The following SEPTIN11 variants were observed in gnomAD, a reference collection of about 807,000 sequenced individuals.
The protein encoded by SEPTIN11 is septin 11, also known as septin-11.
Under a neutral mutation model 51.4 loss-of-function variants are expected in SEPTIN11, and 25 were observed. The observed-to-expected ratio is 0.49, with a 90% CI of 0.35 to 0.68. The LOEUF (loss-of-function observed/expected upper bound fraction) is 0.68, where lower values mean the gene tolerates loss of function less well. SEPTIN11 is among the 30% of genes least tolerant of loss of function. SEPTIN11 has a pLI of 0.00. For synonymous variants in SEPTIN11, 174 were observed against 184.1 expected, an observed-to-expected ratio of 0.95 and a Z score of 0.44; for missense variants, 381 against 520.8, an observed-to-expected ratio of 0.73 and a Z score of 2.61.
At position 77,014,868 on chromosome 4, in the gene SEPTIN11, C is replaced by G; in HGVS notation, c.538C>G (p.Pro180Ala). 6.2e-7 allele frequency: 1 copy of G among 1,613,678 alleles called. No individual in the cohort carries two copies. The highest frequency in any genetic ancestry group is 8.5e-7 in the Non-Finnish European group (1 of 1,179,852). Residue 180 changes from proline (P) to alanine (A), a missense_variant, in exon 5 of 10, where the codon CCA becomes GCA. Coordinates refer to ENST00000264893, the MANE Select transcript of SEPTIN11 (RefSeq NM_018243.4). The stretch of plus-strand genomic sequence containing the variant: ...GTCTGTTTTACAGGTGAACATCATT[C>G]CAATAATTGCAAAAGCTGACACCAT... ...KKLDSKVNIIPIIAKADTIAK... is the reference protein window; with the variant it reads ...KKLDSKVNIIAIIAKADTIAK...
chr4:77,017,035 T>C (rs1027524515), intron 5 of SEPTIN11, among the ~76,000 whole-genome samples: 6 of 152,224 alleles, frequency 3.9e-5, no homozygotes, highest in Middle Eastern at 3.4e-3. Flanking sequence ...TACTTTTTTA[T>C]AGGAAGGTCA....
rs149581018 is a variant in SEPTIN11, at chr4:77,005,152, T to A, written c.143-449T>A. Among the ~76,000 whole-genome samples the A allele has an allele frequency of 1.1e-3, 170 of 152,314 alleles. 1 individual carries two copies. Among genetic ancestry groups the A allele is most frequent in the African/African-American group, 3.6e-3 (151 of 41,560 alleles). The stretch of plus-strand genomic sequence containing the variant: ...ATCATATTGATGTTGAATTAACTGA[T>A]CTTTTAGGTAATTCAGTGTAAATGG... On this transcript the variant is annotated intron_variant, in intron 2 of 9. Coordinates refer to ENST00000264893, the MANE Select transcript of SEPTIN11 (RefSeq NM_018243.4).
chr4:76,983,099 C>T (rs959653225), intron 1 of SEPTIN11, among the ~76,000 whole-genome samples: 8 of 152,120 alleles, frequency 5.3e-5, no homozygotes, highest in East Asian at 1.9e-4. Flanking sequence ...CTGGTGTACA[C>T]GCTCTGCATA....
chr4:76,972,944 T>A, intron 1 of SEPTIN11: 1 of 152,108 alleles, frequency 6.6e-6, no homozygotes, highest in Non-Finnish European at 1.5e-5. Flanking sequence ...TAATTAACAC[T>A]CCCAAAGTCC....
chr4:76,964,633 C>G (rs954179670), intron 1 of SEPTIN11, among the ~76,000 whole-genome samples: 1 of 152,122 alleles, frequency 6.6e-6, no homozygotes, highest in Non-Finnish European at 1.5e-5. Context: ...TATTCAGATA[C>G]GTGATACTCT....
At chr4:76,992,816 G>C (rs181041869) in intron 1 of SEPTIN11, among the ~76,000 whole-genome samples, 340 of 152,346 alleles carry the variant, frequency 2.2e-3, no homozygotes, top group African/African-American at 7.6e-3. Context: ...CTGGCTGTAA[G>C]GGCCTTTCAC....
In SEPTIN11 at chr4:76,964,298, A is replaced by ATT. The variant is rs34041277; in HGVS notation, c.27+14386_27+14387dup. ...CCCAGTCATCAATTCTTGGCCAATC[A>ATT]TTTTTTTTTTTTTTTTTTTGCATCT... On this transcript the variant is annotated intron_variant, in intron 1 of 9. Transcript: ENST00000264893. Among the ~76,000 whole-genome samples, 91 of 133,400 alleles carry ATT rather than the reference A, an allele frequency of 6.8e-4. 1 individual carries two copies. The East Asian group carries it at 9.8e-3, about 14-fold the overall frequency. 87.5% of individuals were successfully genotyped at this position (133,400 alleles called of 152,430 possible).
At position 77,038,335 on chromosome 4, in the gene SEPTIN11, T is replaced by C; in HGVS notation, c.*3823T>C. 2.0e-6 allele frequency: 2 copies of C among 985,822 alleles called. No homozygotes were observed. The highest frequency in any genetic ancestry group is 1.7e-5 in the African/African-American group (1 of 57,372). The allele number at this position is 985,822 out of a possible 1,614,324, so 61.1% of individuals were successfully genotyped here. ...TCCTTGTCATTTTGCTGTTTGAAAATAACCAATGTGTTTTCTAAAACTGTC... is the reference window on the plus strand; with the variant it reads ...TCCTTGTCATTTTGCTGTTTGAAAACAACCAATGTGTTTTCTAAAACTGTC... On this transcript the variant is annotated 3_prime_UTR_variant, in exon 10 of 10. Transcript: ENST00000264893.
intron 1 of SEPTIN11, among the ~76,000 whole-genome samples, chr4:76,972,118 T>G (rs1722273854): frequency 6.6e-6 from 1 of 152,224 alleles, no homozygotes; most frequent in Admixed American, 6.5e-5. Flanking sequence ...CATCCTTACC[T>G]TCCTCCACTA....
intron 3 of SEPTIN11, among the ~76,000 whole-genome samples, chr4:77,007,376 C>G (rs1724558235): frequency 6.6e-6 from 1 of 152,212 alleles, no homozygotes; most frequent in Admixed American, 6.5e-5. Context: ...TGTACTTTTT[C>G]AGGATCCCTC....
At chr4:76,981,861 T>G (rs1722786035) in intron 1 of SEPTIN11, among the ~76,000 whole-genome samples, 2 of 152,088 alleles carry the variant, frequency 1.3e-5, no homozygotes. Context: ...ATACTCATGA[T>G]CCCTTGGTGT....
At chr4:76,998,263 C>T (rs181744831) in intron 2 of SEPTIN11, among the ~76,000 whole-genome samples, 48 of 152,284 alleles carry the variant, frequency 3.2e-4, no homozygotes, top group African/African-American at 1.1e-3. Flanking sequence ...TGTTATAAAA[C>T]ACTTCCCTTT....
At chr4:76,958,121 G>A (rs1162798289) in intron 1 of SEPTIN11, among the ~76,000 whole-genome samples, 1 of 152,198 alleles carries the variant, frequency 6.6e-6, no homozygotes, top group Non-Finnish European at 1.5e-5. Flanking sequence ...AGATAAATTG[G>A]ATAAGACGTA....
At chr4:76,992,492 G>A (rs1181776686) in intron 1 of SEPTIN11, among the ~76,000 whole-genome samples, 1 of 152,168 alleles carries the variant, frequency 6.6e-6, no homozygotes, top group Non-Finnish European at 1.5e-5. Flanking sequence ...GACTTTACTA[G>A]TTGGGAAACC....
At position 77,005,673 on chromosome 4, in the gene SEPTIN11, C is replaced by T. The variant is rs1416508651; in HGVS notation, c.215C>T (p.Thr72Ile). The change falls in exon 3 of 10, where the codon ACT (threonine) becomes ATT (isoleucine). Residue 72 changes from threonine to isoleucine, a missense_variant. Physicochemically the swap from Thr to Ile is moderately conservative, Grantham distance 89. Around this residue, in one of 2 missense-constraint regions of SEPTIN11, gnomAD observed 184 missense variants for 207.7 expected, o/e 0.89. Transcript: ENST00000264893. ...ACCAAATTTGAAAGTGACCCAGCTACTCACAATGAACCAGGTGTTCGGTTA... is the reference window on the plus strand; with the variant it reads ...ACCAAATTTGAAAGTGACCCAGCTATTCACAATGAACCAGGTGTTCGGTTA... ...FNTKFESDPA[T>I]HNEPGVRLKA... 1.9e-6 allele frequency: 3 copies of T among 1,614,064 alleles called. No homozygotes were observed. Among genetic ancestry groups the T allele is most frequent in the Admixed American group, 1.7e-5 (1 of 60,012 alleles).
intron 1 of SEPTIN11, among the ~76,000 whole-genome samples, chr4:76,980,960 A>G (rs1209472525): frequency 6.6e-6 from 1 of 152,196 alleles, no homozygotes; most frequent in Non-Finnish European, 1.5e-5. Flanking sequence ...TAATCATGCT[A>G]TCAAGACTGT....
chr4:77,039,408 A>C, downstream of SEPTIN11: 1 of 1,047,660 alleles, frequency 9.5e-7, no homozygotes, highest in Non-Finnish European at 1.2e-6. Context: ...TAGAACTATC[A>C]TGTTCTTGAA....
intron 1 of SEPTIN11, among the ~76,000 whole-genome samples, chr4:76,952,227 TAA>T (rs539410272): frequency 6.6e-4 from 100 of 152,292 alleles, no homozygotes; most frequent in Non-Finnish European, 1.3e-3. Flanking sequence ...CCTTTAAAGT[TAA>T]GAGTTCTCTG....
intron 1 of SEPTIN11, among the ~76,000 whole-genome samples, chr4:76,963,692 A>T (rs188983832): frequency 1.6e-4 from 25 of 152,362 alleles, no homozygotes; most frequent in Admixed American, 1.6e-3. Context: ...TTTACACTTA[A>T]ACAGCCACAT....
Sources: gnomAD v4.1 joint callset for allele counts (sites outside exome capture counted in the v4.1 genomes callset) on GRCh38, gnomAD v4.1.1 for gene constraint, gnomAD v4.1.1 regional missense constraint, MANE v1.5 for transcripts, NCBI Gene and HGNC (gene_info 2026-07-23, HGNC 2026-07-21) for gene names.